Variants in OGFOD3 observed in about 807,000 individuals in gnomAD.
OGFOD3 encodes the protein 2-oxoglutarate and iron-dependent oxygenase domain-containing protein 3.
In OGFOD3, 35 loss-of-function variants were observed where a neutral mutation model predicts 39.8. That is an observed-to-expected ratio of 0.88 (90% confidence interval 0.67 to 1.17). OGFOD3 has a LOEUF of 1.17. Ranked by LOEUF, OGFOD3 falls within the 50% of genes most tolerant of loss-of-function variation. OGFOD3 has a pLI of 0.00. For missense variants in OGFOD3, 438 were observed against 454.5 expected (o/e 0.96, Z 0.33); for synonymous variants, 200 against 192.0 (o/e 1.04, Z -0.34).
chr17:82,418,315 C>A (rs1243610116), intron 1 of OGFOD3, 97 bp downstream of exon 1: 1 of 241,488 alleles, frequency 4.1e-6, no homozygotes, highest in Non-Finnish European at 7.8e-6. Flanking sequence ...CCCCCCCACC[C>A]GGGTCGGGCC....
intron 3 of OGFOD3, among the ~76,000 whole-genome samples, chr17:82,409,635 C>T (rs772661575): frequency 7.9e-5 from 12 of 152,176 alleles, no homozygotes; most frequent in Non-Finnish European, 1.2e-4. Flanking sequence ...AGCTTAGAAA[C>T]GACTGGGCTT....
rs180765176 is a variant in OGFOD3, at chr17:82,416,184, C to T, written c.75-557G>A. On this transcript the variant is annotated intron_variant, in intron 1 of 8. Coordinates refer to ENST00000313056, the MANE Select transcript of OGFOD3 (RefSeq NM_024648.3). ...CCGGGAGGTGGAGGTTGCAGTGACC[C>T]AAGATTGTGCCATTGCACTCCAGCC... Among the ~76,000 whole-genome samples the T allele has an allele frequency of 5.4e-3, 815 of 152,278 alleles. 8 individuals carry two copies. Among genetic ancestry groups the T allele is most frequent in the African/African-American group, 0.017 (721 of 41,550 alleles).
intron 4 of OGFOD3, 59 bp downstream of exon 4, chr17:82,409,309 C>T: frequency 6.4e-7 from 1 of 1,566,010 alleles, no homozygotes; most frequent in Non-Finnish European, 8.8e-7. Flanking sequence ...CCCTTCCCAT[C>T]CAAGTGAGAG....
intron 2 of OGFOD3, 22 bp from the exon 3 acceptor site, chr17:82,411,552 G>A (rs768343546): frequency 3.1e-6 from 5 of 1,610,772 alleles, no homozygotes; most frequent in African/African-American, 2.7e-5. Flanking sequence ...CAGCCAGGGT[G>A]AGACGCAGTT....
At chr17:82,405,602 G>T (rs911521008) in intron 5 of OGFOD3, among the ~76,000 whole-genome samples, 1 of 152,198 alleles carries the variant, frequency 6.6e-6, no homozygotes, top group African/African-American at 2.4e-5. Flanking sequence ...ATCACCTGAG[G>T]TCAGGAATTC....
At chr17:82,396,543 C>A (rs1372680629) in intron 8 of OGFOD3, 1 of 152,216 alleles carries the variant, frequency 6.6e-6, no homozygotes, top group Non-Finnish European at 1.5e-5. Flanking sequence ...TAGACAGACA[C>A]ATGCAGGAGA....
At chr17:82,409,886 C>T (rs1240262737) in intron 3 of OGFOD3, among the ~76,000 whole-genome samples, 2 of 151,752 alleles carry the variant, frequency 1.3e-5, no homozygotes, top group East Asian at 3.9e-4. Flanking sequence ...CAAAGCAAGA[C>T]TCTGTCAAGA....
chr17:82,406,577 C>T lies in OGFOD3; in HGVS notation c.424-95G>A. On this transcript the variant is annotated intron_variant, in intron 4 of 8. Transcript: ENST00000313056. The surrounding 1 kb of genome is among the most constrained non-coding windows in gnomAD (Gnocchi z 5.2). ...GTAAATGCGAGTTTCCAAGGTCTGGCCAGCACACACCTCAGGTGTTTTTTT... is the reference window on the plus strand; with the variant it reads ...GTAAATGCGAGTTTCCAAGGTCTGGTCAGCACACACCTCAGGTGTTTTTTT... 1 of 984,718 alleles carries T rather than the reference C, an allele frequency of 1.0e-6. No homozygotes were observed. Among genetic ancestry groups the T allele is most frequent in the Non-Finnish European group, 1.6e-6 (1 of 614,804 alleles). The allele number at this position is 984,718 out of a possible 1,614,324, so 61.0% of individuals were successfully genotyped here. A position where few individuals can be genotyped will look rare whatever the true frequency, so the allele number is the denominator to read the frequency against.
chr17:82,394,523 T>C, intron 8 of OGFOD3: 1 of 1,612,196 alleles, frequency 6.2e-7, no homozygotes, highest in South Asian at 1.1e-5. Context: ...CCACAAGACA[T>C]CATCCGGAAA....
chr17:82,416,120 C>T (rs940690173), intron 1 of OGFOD3, among the ~76,000 whole-genome samples: 1 of 152,012 alleles, frequency 6.6e-6, no homozygotes, highest in Non-Finnish European at 1.5e-5. Context: ...CCTGTAGTCC[C>T]TGCTACTCAA....
intron 2 of OGFOD3, among the ~76,000 whole-genome samples, chr17:82,413,852 G>A (rs1471005819): frequency 6.8e-6 from 1 of 147,760 alleles, no homozygotes; most frequent in Admixed American, 7.0e-5. Flanking sequence ...CTCCAGCCTG[G>A]GCAACACAGT....
chr17:82,400,190 G>T (rs769106366), intron 7 of OGFOD3, among the ~76,000 whole-genome samples: 5 of 152,160 alleles, frequency 3.3e-5, no homozygotes, highest in Non-Finnish European at 7.4e-5. Context: ...GCCCTGGGCG[G>T]TGGGTCAAGC....
chr17:82,409,521 T>A, intron 3 of OGFOD3, 111 bp from the exon 4 acceptor site: 1 of 986,878 alleles, frequency 1.0e-6, no homozygotes, highest in Non-Finnish European at 1.6e-6. Flanking sequence ...CCTGCGTGTT[T>A]AATGTTTATG....
rs1014981853 is a variant in OGFOD3, at chr17:82,415,954, C to T, written c.75-327G>A. On this transcript the variant is annotated intron_variant, in intron 1 of 8. Coordinates refer to ENST00000313056, the MANE Select transcript of OGFOD3 (RefSeq NM_024648.3). The surrounding 1 kb of genome is among the most constrained non-coding windows in gnomAD (Gnocchi z 5.3). Reference sequence around the variant, plus strand: ...CTTATAAAAGCCACTTCAGGCCCGGCGCAGTGGCTTATGCCTGTAATCCCA... The same window carrying T: ...CTTATAAAAGCCACTTCAGGCCCGGTGCAGTGGCTTATGCCTGTAATCCCA... 4.0e-5 allele frequency among the ~76,000 whole-genome samples: 6 copies of T among 151,692 alleles called. No homozygotes were observed. Among genetic ancestry groups the T allele is most frequent in the South Asian group, 4.1e-4 (2 of 4,830 alleles).
At chr17:82,405,506 A>G (rs1403942929) in intron 5 of OGFOD3, 126 bp from the exon 6 acceptor site, 7 of 792,142 alleles carry the variant, frequency 8.8e-6, no homozygotes, top group Non-Finnish European at 1.3e-5. Context: ...CTCCATTTCC[A>G]CAATGATAAC....
rs1377224696 is a variant in OGFOD3 at position 82,391,638 on chromosome 17, C to CCAGG, written c.*756_*759dup. On this transcript the variant is annotated 3_prime_UTR_variant, in exon 9 of 9. Transcript: ENST00000313056. The surrounding 1 kb of genome is among the most constrained non-coding windows in gnomAD (Gnocchi z 5.1). ...GCCCAGCCTGACCATCAGTTTAATG[C>CCAGG]CAGGGCAAAGGGGGAGGAGGAGACC... 6.6e-6 allele frequency: 1 copy of CCAGG among 152,408 alleles called. No individual in the cohort carries two copies. Among genetic ancestry groups the CCAGG allele is most frequent in the Non-Finnish European group, 1.5e-5 (1 of 68,260 alleles). The allele number at this position is 152,408 out of a possible 1,614,324, so 9.4% of individuals were successfully genotyped here. A position where few individuals can be genotyped will look rare whatever the true frequency, so the allele number is the denominator to read the frequency against.
Position 82,398,194 on chromosome 17 carries a change from A to T in OGFOD3, c.823+2T>A, listed in dbSNP as rs1314011939. 1 of 1,613,764 alleles carries T rather than the reference A, an allele frequency of 6.2e-7. No homozygotes were observed. Among genetic ancestry groups the T allele is most frequent in the South Asian group, 1.1e-5 (1 of 91,088 alleles). On this transcript the variant is annotated splice_donor_variant, in intron 8 of 8. Transcript: ENST00000313056. LOFTEE classifies it high-confidence loss of function. The stretch of plus-strand genomic sequence containing the variant: ...CGCCCAGGCCCCGCCCGCGCCTCCT[A>T]CCAGCTCTCGGCTCCACCGTCTTGT...
Position 82,415,391 on chromosome 17 carries a change from G to C in OGFOD3, c.304+7C>G, listed in dbSNP as rs780619117. 1 of 1,609,554 alleles carries C rather than the reference G, an allele frequency of 6.2e-7. No individual in the cohort carries two copies. The highest frequency in any genetic ancestry group is 8.5e-7 in the Non-Finnish European group (1 of 1,176,392). On this transcript the variant is annotated splice_region_variant and intron_variant, in intron 2 of 8. Transcript: ENST00000313056. This position sits in a 1 kb window ranked among gnomAD's most constrained non-coding sequence, Gnocchi z 5.3. ...TCTCATTTTAAAGTGTTGCTTTCCT[G>C]AACTACCTTCGAACCTGCGGTGACT...
intron 1 of OGFOD3, 187 bp downstream of exon 1, chr17:82,418,225 C>T (rs2053107146): frequency 6.9e-6 from 3 of 435,204 alleles, no homozygotes; most frequent in African/African-American, 2.1e-5. Context: ...GCGGCTCCCG[C>T]CCGCACCTGC....
Sources: allele counts gnomAD v4.1 joint callset (sites outside exome capture counted in the v4.1 genomes callset), GRCh38; gene constraint gnomAD v4.1.1; non-coding constraint Gnocchi (gnomAD v3.1); transcripts MANE v1.5; gene names NCBI Gene and HGNC (gene_info 2026-07-23, HGNC 2026-07-21).